CIT: variants seen among roughly 807,000 people sequenced by gnomAD.
CIT encodes the protein citron Rho-interacting kinase.
A neutral mutation model predicts 272.7 loss-of-function variants in CIT; 79 were observed. That is an observed-to-expected ratio of 0.29 (90% CI 0.24 to 0.35). The LOEUF is 0.35. Among genes scored for constraint, CIT ranks in the 10% least tolerant of loss-of-function variants. The probability of loss-of-function intolerance (pLI) is 1.00; values close to 1 mark genes in which losing one functional copy is unlikely to be tolerated. For synonymous variants in CIT, 948 were observed against 995.6 expected (o/e 0.95, Z 0.90); for missense variants, 1,909 against 2,618.3 (o/e 0.73, Z 5.91).
chr12:119,698,928 T>G (rs1467532583), intron 44 of CIT, among the ~76,000 whole-genome samples: 1 of 152,152 alleles, frequency 6.6e-6, no homozygotes, highest in Non-Finnish European at 1.5e-5. Flanking sequence ...TAAAACTGAT[T>G]GTAAACATCT....
chr12:119,700,538 A>G (rs1956498595), intron 44 of CIT, among the ~76,000 whole-genome samples: 1 of 152,130 alleles, frequency 6.6e-6, no homozygotes, highest in Non-Finnish European at 1.5e-5. Flanking sequence ...ACATGCCACC[A>G]TGCCTGGCTA....
intron 27 of CIT, among the ~76,000 whole-genome samples, chr12:119,729,868 T>C (rs1456452463): frequency 4.6e-5 from 7 of 152,240 alleles, no homozygotes; most frequent in Non-Finnish European, 1.0e-4. Context: ...TGTTCATACA[T>C]AAAAGTCCTC....
chr12:119,759,707 C>T (rs1008496067), intron 20 of CIT, among the ~76,000 whole-genome samples: 2 of 152,044 alleles, frequency 1.3e-5, no homozygotes, highest in South Asian at 2.1e-4. Context: ...TGAGGTGGTA[C>T]GGTTTTATCT....
chr12:119,716,480 A>AAAACAACAGC (rs1235012589), intron 32 of CIT, among the ~76,000 whole-genome samples: 1 of 151,998 alleles, frequency 6.6e-6, no homozygotes, highest in Non-Finnish European at 1.5e-5. Context: ...AGGCTAAAGA[A>AAAACAACAGC]AAACAACAGC....
At chr12:119,857,237 G>C (rs749597332) in intron 4 of CIT, among the ~76,000 whole-genome samples, 2 of 152,168 alleles carry the variant, frequency 1.3e-5, no homozygotes, top group Non-Finnish European at 2.9e-5. Context: ...GGTCATAAAA[G>C]ATCATCTTAA....
intron 28 of CIT, among the ~76,000 whole-genome samples, chr12:119,725,745 C>T (rs1467647931): frequency 6.6e-6 from 1 of 152,184 alleles, no homozygotes; most frequent in East Asian, 1.9e-4. Context: ...TTCCTAGAGT[C>T]GTCACTGACT....
intron 13 of CIT, among the ~76,000 whole-genome samples, chr12:119,781,384 G>A (rs961092373): frequency 2.0e-5 from 3 of 152,156 alleles, no homozygotes; most frequent in African/African-American, 7.2e-5. Flanking sequence ...AGTAATTAAT[G>A]GATAGAGTTA....
chr12:119,862,882 G>T (rs1406848476), intron 3 of CIT, among the ~76,000 whole-genome samples: 8 of 119,282 alleles, frequency 6.7e-5, no homozygotes, highest in Non-Finnish European at 1.4e-4. Context: ...TTTTAGGGAA[G>T]TGATTAAATC....
At chr12:119,793,989 T>A (rs1413372808) in intron 10 of CIT, among the ~76,000 whole-genome samples, 1 of 152,192 alleles carries the variant, frequency 6.6e-6, no homozygotes, top group Non-Finnish European at 1.5e-5. Context: ...CTGCTCAGTG[T>A]GGGCTTAAAA....
chr12:119,691,132 A>G (rs533087556), intron 46 of CIT, among the ~76,000 whole-genome samples: 1 of 143,990 alleles, frequency 6.9e-6, no homozygotes, highest in Non-Finnish European at 1.5e-5. Context: ...AGATCGGACC[A>G]CTGCACTCCA....
intron 9 of CIT, among the ~76,000 whole-genome samples, chr12:119,817,987 G>A (rs1967359782): frequency 6.6e-6 from 1 of 151,808 alleles, no homozygotes; most frequent in Non-Finnish European, 1.5e-5. Context: ...ACTCTCTAGT[G>A]TGACATGGTT....
chr12:119,710,727 T>A lies in CIT; in HGVS notation c.4855-107A>T. 1 of 1,089,538 alleles carries A rather than the reference T, an allele frequency of 9.2e-7. No individual in the cohort carries two copies. The highest frequency in any genetic ancestry group is 1.4e-6 in the Non-Finnish European group (1 of 719,456). 67.5% of individuals were successfully genotyped at this position (1,089,538 alleles called of 1,614,324 possible). A position where few individuals can be genotyped will look rare whatever the true frequency, so the allele number is the denominator to read the frequency against. ...GAGAAGGTTAAGGCCAAGTTATTCCTGGAAATGCTCAGAAACGCACATATG... is the reference window on the plus strand; with the variant it reads ...GAGAAGGTTAAGGCCAAGTTATTCCAGGAAATGCTCAGAAACGCACATATG... On this transcript the variant is annotated intron_variant, in intron 37 of 47. Coordinates refer to ENST00000392521, the MANE Select transcript of CIT (RefSeq NM_001206999.2). This position sits in a 1 kb window ranked among gnomAD's most constrained non-coding sequence, Gnocchi z 5.6.
chr12:119,868,699 A>T (rs1451732346), intron 3 of CIT, among the ~76,000 whole-genome samples: 2 of 152,054 alleles, frequency 1.3e-5, no homozygotes, highest in Non-Finnish European at 2.9e-5. Flanking sequence ...CACCATACCC[A>T]GCTAATTTTT....
At position 119,804,136 on chromosome 12, in the gene CIT, G is replaced by C. The variant is rs912689299; in HGVS notation, c.1112-747C>G. 1.0e-6 allele frequency: 1 copy of C among 983,424 alleles called. No homozygotes were observed. The highest frequency in any genetic ancestry group is 1.2e-6 in the Non-Finnish European group (1 of 828,142). 60.9% of individuals were successfully genotyped at this position (983,424 alleles called of 1,614,324 possible). On this transcript the variant is annotated intron_variant, in intron 9 of 47. Transcript: ENST00000392521. This position sits in a 1 kb window ranked among gnomAD's most constrained non-coding sequence, Gnocchi z 5.3. ...ACCCCTGCGCGCTGACGGTGGGAAT[G>C]CACGGATGGACATATGCGGCTCCTA...
At chr12:119,862,826 A>G (rs1950387606) in intron 3 of CIT, among the ~76,000 whole-genome samples, 7 of 135,574 alleles carry the variant, frequency 5.2e-5, no homozygotes, top group East Asian at 2.1e-4. Flanking sequence ...AAAAAAAAAA[A>G]AAAAAAAAAA....
At chr12:119,757,588 A>C (rs902269521) in intron 21 of CIT, 43 bp from the exon 22 acceptor site, 269 of 1,607,652 alleles carry the variant, frequency 1.7e-4, no homozygotes, top group Non-Finnish European at 2.1e-4. Context: ...TCACAGTCTC[A>C]TTAGGGTTGA....
intron 32 of CIT, among the ~76,000 whole-genome samples, chr12:119,717,838 C>CCTTTTTTT (rs1957598855): frequency 3.7e-5 from 3 of 81,332 alleles, no homozygotes; most frequent in Non-Finnish European, 6.8e-5. Flanking sequence ...TGACTTCTTT[C>CCTTTTTTT]TTTTTTTTTT....
At chr12:119,822,458 T>A (rs929470648) in intron 9 of CIT, among the ~76,000 whole-genome samples, 1 of 152,228 alleles carries the variant, frequency 6.6e-6, no homozygotes, top group Non-Finnish European at 1.5e-5. Flanking sequence ...TGTTGCCTAA[T>A]CTGAGTCTTT....
intron 4 of CIT, among the ~76,000 whole-genome samples, chr12:119,852,705 A>C (rs374531942): frequency 4.6e-5 from 7 of 151,930 alleles, no homozygotes; most frequent in Non-Finnish European, 1.0e-4. Context: ...TGTCTCAAAA[A>C]AAAAACAAAA....
Sources: allele counts gnomAD v4.1 joint callset (sites outside exome capture counted in the v4.1 genomes callset), GRCh38; gene constraint gnomAD v4.1.1; non-coding constraint Gnocchi (gnomAD v3.1); transcripts MANE v1.5; gene names NCBI Gene and HGNC (gene_info 2026-07-23, HGNC 2026-07-21).